The following MYH14 variants were observed in gnomAD, a reference collection of about 807,000 sequenced individuals.
The protein encoded by MYH14 is myosin-14.
Under a neutral mutation model 255.5 loss-of-function variants are expected in MYH14, and 123 were observed. That is an observed-to-expected ratio of 0.48 (90% CI 0.42 to 0.56). The LOEUF is 0.56. MYH14 is among the 20% of genes least tolerant of loss of function. MYH14 has a pLI of 0.00. For synonymous variants in MYH14, 1,095 were observed against 1,161.2 expected, an observed-to-expected ratio of 0.94 and a Z score of 1.16; for missense variants, 2,423 against 2,802.3, an observed-to-expected ratio of 0.86 and a Z score of 3.06.
In MYH14 at chr19:50,280,404, C is replaced by A; in HGVS notation, c.4290+21C>A. 1 of 1,506,110 alleles carries A rather than the reference C, an allele frequency of 6.6e-7. No homozygotes were observed. Among genetic ancestry groups the A allele is most frequent in the Non-Finnish European group, 8.9e-7 (1 of 1,121,438 alleles). 93.3% of individuals were successfully genotyped at this position (1,506,110 alleles called of 1,614,324 possible). A position where few individuals can be genotyped will look rare whatever the true frequency, so the allele number is the denominator to read the frequency against. Reference sequence around the variant, plus strand: ...CCCAGGTGAGCAGCCCTACGTAAGACCTTCAGGGAGGCACAGCCCCCCTCA... The same window carrying A: ...CCCAGGTGAGCAGCCCTACGTAAGAACTTCAGGGAGGCACAGCCCCCCTCA... On this transcript the variant is annotated intron_variant, in intron 32 of 42. Coordinates refer to ENST00000642316, the MANE Select transcript of MYH14 (RefSeq NM_001145809.2). The surrounding 1 kb of genome is among the most constrained non-coding windows in gnomAD (Gnocchi z 4.8).
intron 2 of MYH14, among the ~76,000 whole-genome samples, chr19:50,215,359 C>G (rs2032422175): frequency 6.6e-6 from 1 of 152,242 alleles, no homozygotes; most frequent in Non-Finnish European, 1.5e-5. Context: ...CGGAGCAGCC[C>G]TTTCAGGCAG....
In MYH14 at chr19:50,309,853, CG is replaced by C; in HGVS notation, c.*66del. 6.6e-7 allele frequency: 1 copy of C among 1,514,712 alleles called. No individual in the cohort carries two copies. The highest frequency in any genetic ancestry group is 1.2e-5 in the South Asian group (1 of 83,234). 93.8% of individuals were successfully genotyped at this position (1,514,712 alleles called of 1,614,324 possible). On this transcript the variant is annotated 3_prime_UTR_variant, in exon 43 of 43. Coordinates refer to ENST00000642316, the MANE Select transcript of MYH14 (RefSeq NM_001145809.2). ...CAGCCCCCTTCCTCCCTGGACCCCACGGGCCCCTGTCCCAGGAACCCCGCCC... is the reference window on the plus strand; with the variant it reads ...CAGCCCCCTTCCTCCCTGGACCCCACGGCCCCTGTCCCAGGAACCCCGCCC...
In MYH14 at chr19:50,230,211, A is replaced by G. The variant is rs916405984; in HGVS notation, c.875-314A>G. Among the ~76,000 whole-genome samples the G allele has an allele frequency of 1.3e-5, 2 of 152,118 alleles. No homozygotes were observed. The highest frequency in any genetic ancestry group is 2.9e-5 in the Non-Finnish European group (2 of 68,024). On this transcript the variant is annotated intron_variant, in intron 8 of 42. Transcript: ENST00000642316. This position sits in a 1 kb window ranked among gnomAD's most constrained non-coding sequence, Gnocchi z 4.7. ...TACAGGCGTGAGCCACTGCGCCCAC[A>G]GGGTTGATGAGTTTTTTAGAGACAG...
In MYH14 at chr19:50,299,383, A is replaced by C. The variant is rs567917824; in HGVS notation, c.5470-2278A>C. Among the ~76,000 whole-genome samples the C allele has an allele frequency of 1.6e-4, 25 of 152,012 alleles. No individual in the cohort carries two copies. The South Asian group carries it at 4.6e-3, about 28-fold the overall frequency. ...TCAGGAGTTTGAGACCAGCCTGCCC[A>C]ACATGGAGAAATCCCATCTCTACAA... is the stretch of plus-strand genomic sequence containing the variant. On this transcript the variant is annotated intron_variant, in intron 39 of 42. Transcript: ENST00000642316.
intron 10 of MYH14, among the ~76,000 whole-genome samples, chr19:50,232,947 G>A (rs1254321172): frequency 2.0e-5 from 3 of 152,074 alleles, no homozygotes; most frequent in African/African-American, 7.2e-5. Flanking sequence ...GGGAGCAGGG[G>A]TTGGACAAAT....
At chr19:50,225,528 G>A in intron 6 of MYH14, 57 bp from the exon 7 acceptor site, 1 of 1,422,982 alleles carries the variant, frequency 7.0e-7, no homozygotes, top group Non-Finnish European at 9.7e-7. Context: ...AGCTGGGCTG[G>A]CCTGGCCTCC....
Position 50,293,284 on chromosome 19 carries a change from G to A in MYH14, c.5308G>A (p.Glu1770Lys). The A allele has an allele frequency of 6.2e-7, 1 of 1,609,664 alleles. No homozygotes were observed. The highest frequency in any genetic ancestry group is 8.5e-7 in the Non-Finnish European group (1 of 1,178,274). ...GCGGCAGGCCCAGCAGGACCGGGAT[G>A]AGATGGCAGATGAGGTGGCCAATGG... is the stretch of plus-strand genomic sequence containing the variant. ...ARRQAQQDRDEMADEVANGNL... is the reference protein window; with the variant it reads ...ARRQAQQDRDKMADEVANGNL... Residue 1770 changes from glutamate (E) to lysine (K), a missense_variant, in exon 38 of 43, where the codon GAG (glutamate) becomes AAG (lysine). By Grantham distance (56) the Glu-to-Lys change is moderately conservative. Transcript: ENST00000642316. This position sits in a 1 kb window ranked among gnomAD's most constrained non-coding sequence, Gnocchi z 4.1.
intron 33 of MYH14, among the ~76,000 whole-genome samples, chr19:50,283,524 A>G (rs1180246940): frequency 6.6e-6 from 1 of 152,192 alleles, no homozygotes; most frequent in African/African-American, 2.4e-5. Context: ...TGTGGTATAG[A>G]TCAGCCACAT....
At position 50,210,590 on chromosome 19, in the gene MYH14, G is replaced by T; in HGVS notation, c.225G>T (p.Glu75Asp). The change falls in exon 2 of 43, where the codon GAG (glutamate) becomes GAT (aspartate). Residue 75 changes from glutamate to aspartate, a missense_variant. Transcript: ENST00000642316. ...FEAAALRDEG[E>D]EEAEVELAES... Reference sequence around the variant, plus strand: ...CGGCGGCGCTGCGGGACGAAGGCGAGGAGGAGGCGGAGGTGGAGCTGGCGG... The same window carrying T: ...CGGCGGCGCTGCGGGACGAAGGCGATGAGGAGGCGGAGGTGGAGCTGGCGG... The T allele has an allele frequency of 6.4e-7, 1 of 1,572,888 alleles. No homozygotes were observed.
At chr19:50,260,140 A>G (rs1200121686) in intron 19 of MYH14, among the ~76,000 whole-genome samples, 1 of 151,960 alleles carries the variant, frequency 6.6e-6, no homozygotes, top group Non-Finnish European at 1.5e-5. Flanking sequence ...ATACTGGCCA[A>G]TACTGGCTGG....
In MYH14 at chr19:50,230,432, A is replaced by G. The variant is rs1403398268; in HGVS notation, c.875-93A>G. On this transcript the variant is annotated intron_variant, in intron 8 of 42. Coordinates refer to ENST00000642316, the MANE Select transcript of MYH14 (RefSeq NM_001145809.2). The surrounding 1 kb of genome is among the most constrained non-coding windows in gnomAD (Gnocchi z 4.7). ...GCGACTCCACTACACCACAGGAGAGAAGGGGGCAGCGTGGGCAGGGCAGGC... is the reference window on the plus strand; with the variant it reads ...GCGACTCCACTACACCACAGGAGAGGAGGGGGCAGCGTGGGCAGGGCAGGC... The G allele has an allele frequency of 2.7e-6, 3 of 1,118,624 alleles. No individual in the cohort carries two copies. The highest frequency in any genetic ancestry group is 4.0e-6 in the Non-Finnish European group (3 of 756,878). The allele number at this position is 1,118,624 out of a possible 1,614,324, so 69.3% of individuals were successfully genotyped here.
intron 39 of MYH14, among the ~76,000 whole-genome samples, chr19:50,297,883 A>G (rs1451983386): frequency 6.6e-6 from 1 of 151,990 alleles, no homozygotes. Flanking sequence ...ATCAATTACA[A>G]CTGCAAAGAT....
chr19:50,291,377 C>T (rs1459485341), intron 36 of MYH14, among the ~76,000 whole-genome samples: 5 of 151,792 alleles, frequency 3.3e-5, no homozygotes, highest in Non-Finnish European at 5.9e-5. Flanking sequence ...TCTCAGCTCA[C>T]AGCAACTCTG....
intron 10 of MYH14, among the ~76,000 whole-genome samples, chr19:50,237,524 C>T (rs1238107738): frequency 6.6e-6 from 1 of 152,172 alleles, no homozygotes; most frequent in Non-Finnish European, 1.5e-5. Flanking sequence ...GGCAGGGTTT[C>T]ACCGTGTTGG....
At chr19:50,286,452 C>T (rs751020117) in intron 33 of MYH14, 30 bp from the exon 34 acceptor site, 8 of 1,591,106 alleles carry the variant, frequency 5.0e-6, no homozygotes, top group Non-Finnish European at 6.0e-6. Flanking sequence ...TAATCTATTT[C>T]CCCCTACCCC....
chr19:50,299,509 T>G (rs1208614148), intron 39 of MYH14, among the ~76,000 whole-genome samples: 1 of 140,670 alleles, frequency 7.1e-6, no homozygotes, highest in East Asian at 2.0e-4. Flanking sequence ...AGGCAGAGGT[T>G]GCAGTGAGCT....
At chr19:50,262,166 G>A (rs2034907698) in intron 21 of MYH14, among the ~76,000 whole-genome samples, 1 of 152,156 alleles carries the variant, frequency 6.6e-6, no homozygotes, top group African/African-American at 2.4e-5. Context: ...AAGGTGATCA[G>A]GGCAGGAGCA....
At chr19:50,204,331 C>A (rs951150260) in intron 1 of MYH14, among the ~76,000 whole-genome samples, 1 of 152,138 alleles carries the variant, frequency 6.6e-6, no homozygotes, top group African/African-American at 2.4e-5. Context: ...CCACAGGAGT[C>A]CCCTAAGGAA....
chr19:50,230,421 C>A lies in MYH14; in HGVS notation c.875-104C>A. ...CTGGGCTGTGAGCGACTCCACTACACCACAGGAGAGAAGGGGGCAGCGTGG... is the reference window on the plus strand; with the variant it reads ...CTGGGCTGTGAGCGACTCCACTACAACACAGGAGAGAAGGGGGCAGCGTGG... On this transcript the variant is annotated intron_variant, in intron 8 of 42. Transcript: ENST00000642316. This position sits in a 1 kb window ranked among gnomAD's most constrained non-coding sequence, Gnocchi z 4.7. The A allele has an allele frequency of 9.7e-7, 1 of 1,028,190 alleles. No individual in the cohort carries two copies. The highest frequency in any genetic ancestry group is 1.5e-6 in the Non-Finnish European group (1 of 676,752). The allele number at this position is 1,028,190 out of a possible 1,614,324, so 63.7% of individuals were successfully genotyped here. A position where few individuals can be genotyped will look rare whatever the true frequency, so the allele number is the denominator to read the frequency against.
Sources: gnomAD v4.1 joint callset for allele counts (sites outside exome capture counted in the v4.1 genomes callset) on GRCh38, gnomAD v4.1.1 for gene constraint, Gnocchi (gnomAD v3.1) non-coding constraint, MANE v1.5 for transcripts, NCBI Gene and HGNC (gene_info 2026-07-23, HGNC 2026-07-21) for gene names.